Variants in PALM2AKAP2 observed in about 807,000 individuals in gnomAD.
The protein encoded by PALM2AKAP2 is PALM2-AKAP2 fusion protein.
PALM2AKAP2 carries 37 observed loss-of-function variants against 71.5 expected under a neutral mutation model. That is an observed-to-expected ratio of 0.52 (90% CI 0.40 to 0.68). The LOEUF is 0.68. Ranked by LOEUF, PALM2AKAP2 falls within the 30% of genes least tolerant of loss-of-function variation. The probability of loss-of-function intolerance (pLI) is 0.00; values close to 1 mark genes in which losing one functional copy is unlikely to be tolerated. For missense variants in PALM2AKAP2, 1,224 were observed against 1,191.8 expected, an observed-to-expected ratio of 1.03 and a Z score of -0.40; for synonymous variants, 468 against 478.8, an observed-to-expected ratio of 0.98 and a Z score of 0.29.
intron 2 of PALM2AKAP2, among the ~76,000 whole-genome samples, chr9:109,870,681 G>A (rs1829580585): frequency 6.6e-6 from 1 of 152,200 alleles, no homozygotes; most frequent in Admixed American, 6.5e-5. Flanking sequence ...CAAAGACCGA[G>A]CTCTTTCCAG....
At chr9:109,856,598 A>T (rs922952561) in intron 1 of PALM2AKAP2, among the ~76,000 whole-genome samples, 12 of 152,214 alleles carry the variant, frequency 7.9e-5, no homozygotes, top group Non-Finnish European at 1.3e-4. Context: ...TGTTCATTTT[A>T]TTCCTGTGTG....
chr9:109,694,544 A>G (rs374059592), intron 1 of PALM2AKAP2, among the ~76,000 whole-genome samples: 1 of 152,124 alleles, frequency 6.6e-6, no homozygotes, highest in Non-Finnish European at 1.5e-5. Context: ...AATCTTCAAA[A>G]CACTATTAAG....
At chr9:110,062,618 T>C (rs568960518) in intron 1 of PALM2AKAP2, among the ~76,000 whole-genome samples, 1 of 152,134 alleles carries the variant, frequency 6.6e-6, no homozygotes, top group Non-Finnish European at 1.5e-5. Context: ...ATGTGCTAGG[T>C]TGTGGGAAGT....
intron 3 of PALM2AKAP2, among the ~76,000 whole-genome samples, chr9:109,892,527 T>C (rs921454363): frequency 1.3e-5 from 2 of 152,190 alleles, no homozygotes; most frequent in African/African-American, 4.8e-5. Context: ...CCTAGATTAC[T>C]GTTTTACACC....
intron 1 of PALM2AKAP2, among the ~76,000 whole-genome samples, chr9:110,079,665 G>A (rs1207283886): frequency 1.3e-5 from 2 of 152,164 alleles, no homozygotes; most frequent in Non-Finnish European, 2.9e-5. Flanking sequence ...TATCTGTCTA[G>A]AAGGCATATA....
At chr9:110,057,366 G>GTT (rs34347147) in intron 1 of PALM2AKAP2, among the ~76,000 whole-genome samples, 44 of 134,094 alleles carry the variant, frequency 3.3e-4, no homozygotes, top group African/African-American at 4.7e-4. Flanking sequence ...CTCCTTCTCT[G>GTT]TTTTTTTTTT....
intron 3 of PALM2AKAP2, among the ~76,000 whole-genome samples, chr9:110,165,774 A>G (rs1296525125): frequency 6.6e-6 from 1 of 152,164 alleles, no homozygotes; most frequent in South Asian, 2.1e-4. Flanking sequence ...GGACTATTCT[A>G]TCCTCAACAC....
chr9:109,718,885 T>C (rs989805217), intron 1 of PALM2AKAP2, among the ~76,000 whole-genome samples: 7 of 152,166 alleles, frequency 4.6e-5, no homozygotes, highest in Admixed American at 2.0e-4. Context: ...TCTTATTTGA[T>C]TTTTGTATTT....
At chr9:109,656,550 T>G (rs555289247) in intron 1 of PALM2AKAP2, among the ~76,000 whole-genome samples, 1 of 151,942 alleles carries the variant, frequency 6.6e-6, no homozygotes, top group Non-Finnish European at 1.5e-5. Context: ...GTAGCAAGAG[T>G]CTGGCTTTTG....
At chr9:109,908,567 G>T (rs1327311687) in intron 3 of PALM2AKAP2, among the ~76,000 whole-genome samples, 3 of 152,174 alleles carry the variant, frequency 2.0e-5, no homozygotes, top group Non-Finnish European at 4.4e-5. Context: ...AAACCATTTA[G>T]CATATCATCT....
At chr9:109,665,807 T>C (rs962033821) in intron 1 of PALM2AKAP2, among the ~76,000 whole-genome samples, 3 of 152,198 alleles carry the variant, frequency 2.0e-5, no homozygotes, top group African/African-American at 7.2e-5. Context: ...AGGTGGAGTC[T>C]AGAGACAGTA....
intron 6 of PALM2AKAP2, among the ~76,000 whole-genome samples, chr9:110,007,642 T>G (rs371139221): frequency 4.6e-5 from 7 of 152,312 alleles, no homozygotes; most frequent in African/African-American, 1.4e-4. Flanking sequence ...CTTTTCTCTT[T>G]AGAACCTAAT....
chr9:110,025,944 C>A (rs1361496183), intron 7 of PALM2AKAP2, among the ~76,000 whole-genome samples: 1 of 152,192 alleles, frequency 6.6e-6, no homozygotes, highest in Admixed American at 6.5e-5. Flanking sequence ...GAGGGACCCT[C>A]TTCTTGACTG....
exon 4 of PALM2AKAP2, chr9:110,172,192 A>G (rs10980234): frequency 0.076 from 11,609 of 152,702 alleles, 673 homozygotes; most frequent in East Asian, 0.27. Context: ...AAGTAGCCTA[A>G]GTGTTAGAGA....
Position 109,844,533 on chromosome 9 carries a change from T to C in PALM2AKAP2, c.46-22958T>C, listed in dbSNP as rs564059646. Among the ~76,000 whole-genome samples, 8 of 152,330 alleles carry C rather than the reference T, an allele frequency of 5.3e-5. 1 individual carries two copies. Among genetic ancestry groups the C allele is most frequent in the Admixed American group, 3.3e-4 (5 of 15,306 alleles). On this transcript the variant is annotated intron_variant, in intron 1 of 9. Transcript: ENST00000302798. Reference sequence around the variant, plus strand: ...TCCTGGTTATGTAAGATGTTAGGATTATGGGAAGCTGGGTAATGAATAGAT... The same window carrying C: ...TCCTGGTTATGTAAGATGTTAGGATCATGGGAAGCTGGGTAATGAATAGAT...
chr9:109,843,994 CA>C, intron 1 of PALM2AKAP2, among the ~76,000 whole-genome samples: 1 of 152,324 alleles, frequency 6.6e-6, no homozygotes, highest in East Asian at 1.9e-4. Flanking sequence ...TGGTCCTAGA[CA>C]AAAACAACGG....
chr9:110,135,299 CAAAAAAAAAAAAAAA>C (rs71373970), intron 1 of PALM2AKAP2, among the ~76,000 whole-genome samples: 1 of 7,262 alleles, frequency 1.4e-4, no homozygotes, highest in East Asian at 3.8e-3. Flanking sequence ...AATCCCATCT[CAAAAAAAAAAAAAAA>C]AAAAAAAAAA....
rs1225226273 is a variant in PALM2AKAP2 at position 110,011,010 on chromosome 9, A to T, written c.497-4944A>T. Among the ~76,000 whole-genome samples the T allele has an allele frequency of 3.7e-3, 331 of 88,658 alleles. 2 individuals are homozygous for T. The highest frequency in any genetic ancestry group is 0.019 in the African/African-American group (255 of 13,652). The allele number at this position is 88,658 out of a possible 152,430, so 58.2% of individuals were successfully genotyped here. A position where few individuals can be genotyped will look rare whatever the true frequency, so the allele number is the denominator to read the frequency against. ...AAACTCTGTCTCAAAAAAAAAAAAA[A>T]AAAAATATATATATATATATATATA... is the stretch of plus-strand genomic sequence containing the variant. On this transcript the variant is annotated intron_variant, in intron 6 of 9. Transcript: ENST00000302798.
At chr9:109,665,741 G>A (rs753837843) in intron 1 of PALM2AKAP2, among the ~76,000 whole-genome samples, 3 of 152,242 alleles carry the variant, frequency 2.0e-5, no homozygotes, top group Non-Finnish European at 4.4e-5. Context: ...AGACTGGGAC[G>A]TTTAAATCTG....
Sources: gnomAD v4.1 joint callset for allele counts (sites outside exome capture counted in the v4.1 genomes callset) on GRCh38, gnomAD v4.1.1 for gene constraint, MANE v1.5 for transcripts, NCBI Gene and HGNC (gene_info 2026-07-23, HGNC 2026-07-21) for gene names.